Variants in GPC6 observed in about 807,000 individuals in gnomAD.
GPC6 encodes the protein glypican 6.
GPC6 carries 14 observed loss-of-function variants against 55.2 expected under a neutral mutation model. The ratio of observed to expected loss-of-function variants is 0.25; its 90% CI spans 0.17 to 0.40. The LOEUF (loss-of-function observed/expected upper bound fraction) is 0.40, where lower values mean the gene tolerates loss of function less well. GPC6 is among the 10% of genes least tolerant of loss of function. The probability of loss-of-function intolerance (pLI) is 1.00; values close to 1 mark genes in which losing one functional copy is unlikely to be tolerated. For missense variants in GPC6, 641 were observed against 708.5 expected (o/e 0.90, Z 1.08); for synonymous variants, 278 against 259.6 (o/e 1.07, Z -0.68).
intron 3 of GPC6, among the ~76,000 whole-genome samples, chr13:93,966,376 T>A (rs1000865061): frequency 3.3e-5 from 5 of 152,206 alleles, no homozygotes; most frequent in Non-Finnish European, 5.9e-5. Context: ...TGTGAATGTA[T>A]ATTTCCTTTA....
intron 6 of GPC6, among the ~76,000 whole-genome samples, chr13:94,354,554 C>A (rs553502334): frequency 1.3e-5 from 2 of 152,168 alleles, no homozygotes; most frequent in South Asian, 2.1e-4. Context: ...ATGTGTAGCA[C>A]AAAAAATAGC....
intron 4 of GPC6, among the ~76,000 whole-genome samples, chr13:94,253,250 C>T (rs1409175): frequency 1 from 151,974 of 152,224 alleles, 75,863 homozygotes; most frequent in Middle Eastern, 1. Context: ...GGGTGGTCTG[C>T]GTTCCCAAGG....
At position 93,284,561 on chromosome 13, in the gene GPC6, A is replaced by G. The variant is rs372796768; in HGVS notation, c.160+56945A>G. 1.6e-4 allele frequency among the ~76,000 whole-genome samples: 24 copies of G among 152,286 alleles called. No homozygotes were observed. The East Asian group carries it at 1.9e-3, about 12-fold the overall frequency. ...TTTGATATGAGCCCTTGTATTTCAT[A>G]TATTTGTCAGATTTTTGTGAAGCTG... is the stretch of plus-strand genomic sequence containing the variant. On this transcript the variant is annotated intron_variant, in intron 1 of 8. Coordinates refer to ENST00000377047, the MANE Select transcript of GPC6 (RefSeq NM_005708.5).
chr13:93,625,897 G>C (rs1467220558), intron 2 of GPC6, among the ~76,000 whole-genome samples: 1 of 152,118 alleles, frequency 6.6e-6, no homozygotes, highest in Admixed American at 6.5e-5. Flanking sequence ...GTGCATTGCT[G>C]TCCTCATTGT....
chr13:93,441,233 T>C (rs1877786355), intron 1 of GPC6, among the ~76,000 whole-genome samples: 1 of 152,078 alleles, frequency 6.6e-6, no homozygotes, highest in Non-Finnish European at 1.5e-5. Context: ...CTGGGTCAAA[T>C]GGTATTTCTA....
intron 1 of GPC6, among the ~76,000 whole-genome samples, chr13:93,475,578 G>C (rs1388832900): frequency 6.6e-6 from 1 of 152,216 alleles, no homozygotes; most frequent in Non-Finnish European, 1.5e-5. Flanking sequence ...TATGCAAAGA[G>C]AGGCAACGAT....
chr13:93,548,753 C>T (rs16948967), intron 2 of GPC6, among the ~76,000 whole-genome samples: 1,777 of 152,190 alleles, frequency 0.012, 29 homozygotes, highest in African/African-American at 0.035. Context: ...CAGGATTAGC[C>T]TAGCATTCAT....
intron 4 of GPC6, 98 bp downstream of exon 4, chr13:94,027,992 C>T: frequency 9.2e-7 from 1 of 1,087,406 alleles, no homozygotes; most frequent in South Asian, 1.3e-5. Flanking sequence ...AAACCAGACA[C>T]AGTGGTTCAC....
At chr13:94,049,923 G>C (rs1289787201) in intron 4 of GPC6, among the ~76,000 whole-genome samples, 1 of 152,102 alleles carries the variant, frequency 6.6e-6, no homozygotes, top group Non-Finnish European at 1.5e-5. Context: ...TCTTATGGTA[G>C]TGAATAAGTC....
At chr13:93,901,981 G>C (rs1876383412) in intron 3 of GPC6, among the ~76,000 whole-genome samples, 1 of 149,840 alleles carries the variant, frequency 6.7e-6, no homozygotes, top group South Asian at 2.1e-4. Flanking sequence ...AGTGTGTTTT[G>C]ATACATTTAT....
intron 2 of GPC6, among the ~76,000 whole-genome samples, chr13:93,790,107 G>A (rs1472458778): frequency 7.9e-5 from 12 of 152,226 alleles, no homozygotes; most frequent in East Asian, 3.9e-4. Flanking sequence ...TGAAGGTGGC[G>A]TTACCATATT....
chr13:94,255,515 T>G (rs955982975), intron 4 of GPC6, among the ~76,000 whole-genome samples: 1 of 152,196 alleles, frequency 6.6e-6, no homozygotes, highest in African/African-American at 2.4e-5. Context: ...CCTGAACTTC[T>G]TGAAATACTT....
At chr13:93,688,294 GAAT>G (rs1378629483) in intron 2 of GPC6, among the ~76,000 whole-genome samples, 1 of 152,008 alleles carries the variant, frequency 6.6e-6, no homozygotes, top group Admixed American at 6.6e-5. Flanking sequence ...GTTGAGAGAA[GAAT>G]GAGTAGACTT....
At chr13:93,734,198 C>T (rs1221969360) in intron 2 of GPC6, among the ~76,000 whole-genome samples, 1 of 152,150 alleles carries the variant, frequency 6.6e-6, no homozygotes, top group Non-Finnish European at 1.5e-5. Flanking sequence ...CTGTATTAAA[C>T]ATGAATGAAC....
chr13:93,900,996 C>A (rs1876315321), intron 3 of GPC6, among the ~76,000 whole-genome samples: 1 of 152,128 alleles, frequency 6.6e-6, no homozygotes, highest in Non-Finnish European at 1.5e-5. Flanking sequence ...AAAACTCATT[C>A]TGATCATTTT....
intron 4 of GPC6, among the ~76,000 whole-genome samples, chr13:94,103,215 C>G (rs539937851): frequency 6.6e-6 from 1 of 152,192 alleles, no homozygotes; most frequent in Non-Finnish European, 1.5e-5. Flanking sequence ...AGGACATGAA[C>G]TCATCCTTTT....
At chr13:94,229,281 G>A (rs1890648050) in intron 4 of GPC6, among the ~76,000 whole-genome samples, 1 of 152,092 alleles carries the variant, frequency 6.6e-6, no homozygotes, top group Non-Finnish European at 1.5e-5. Flanking sequence ...ATCTCAGAAA[G>A]GCAGGATAGG....
intron 2 of GPC6, among the ~76,000 whole-genome samples, chr13:93,769,176 C>G (rs1458804824): frequency 6.6e-6 from 1 of 152,044 alleles, no homozygotes; most frequent in Admixed American, 6.6e-5. Context: ...CTTTTGTCTT[C>G]CATTAAATAT....
intron 6 of GPC6, among the ~76,000 whole-genome samples, chr13:94,370,128 C>A (rs1009345863): frequency 1.3e-5 from 2 of 152,202 alleles, no homozygotes; most frequent in African/African-American, 4.8e-5. Flanking sequence ...TCTACATGGA[C>A]AAAATCATCC....
Sources: allele counts gnomAD v4.1 joint callset (sites outside exome capture counted in the v4.1 genomes callset), GRCh38; gene constraint gnomAD v4.1.1; transcripts MANE v1.5; gene names NCBI Gene and HGNC (gene_info 2026-07-23, HGNC 2026-07-21).